ARHGAP24: variants seen among roughly 807,000 people sequenced by gnomAD.
ARHGAP24 encodes Rho GTPase activating protein 24, also known as rho GTPase-activating protein 24.
A neutral mutation model predicts 76.4 loss-of-function variants in ARHGAP24; 50 were observed. The ratio of observed to expected loss-of-function variants is 0.65; its 90% CI spans 0.52 to 0.83. The LOEUF (loss-of-function observed/expected upper bound fraction) is 0.83. Among genes scored for constraint, ARHGAP24 ranks in the 40% least tolerant of loss-of-function variants. The pLI, the probability that ARHGAP24 is intolerant of heterozygous loss-of-function variation, is 0.00. For missense variants in ARHGAP24, 930 were observed against 914.2 expected, an observed-to-expected ratio of 1.02 and a Z score of -0.22; for synonymous variants, 345 against 323.3, an observed-to-expected ratio of 1.07 and a Z score of -0.72.
intron 2 of ARHGAP24, among the ~76,000 whole-genome samples, chr4:85,629,668 A>G (rs1348457308): frequency 6.6e-6 from 1 of 152,130 alleles, no homozygotes; most frequent in Non-Finnish European, 1.5e-5. Context: ...TGAACATATC[A>G]TCCTACTCTT....
In ARHGAP24 at chr4:85,875,734, A is replaced by T. The variant is rs543673608; in HGVS notation, c.269-47914A>T. Among the ~76,000 whole-genome samples, 10 of 139,354 alleles carry T rather than the reference A, an allele frequency of 7.2e-5. No homozygotes were observed. In the East Asian group the frequency reaches 1.6e-3, roughly 22 times the overall value. 91.4% of individuals were successfully genotyped at this position (139,354 alleles called of 152,430 possible). A position where few individuals can be genotyped will look rare whatever the true frequency, so the allele number is the denominator to read the frequency against. ...TTTATATATAAAAATATACATATAT[A>T]TATTTTTGGTTGTGGGGGAGAACAG... On this transcript the variant is annotated intron_variant, in intron 3 of 9. Transcript: ENST00000395184.
intron 2 of ARHGAP24, among the ~76,000 whole-genome samples, chr4:85,706,578 T>TTTTTTTTTTTTG (rs1724317494): frequency 6.6e-6 from 1 of 151,378 alleles, no homozygotes; most frequent in Non-Finnish European, 1.5e-5. Context: ...TTTTCTTTTT[T>TTTTTTTTTTTTG]CTTTTGAGAT....
chr4:85,610,922 A>G lies in ARHGAP24; in HGVS notation c.180+40201A>G, dbSNP rs149250977. On this transcript the variant is annotated intron_variant, in intron 2 of 9. Transcript: ENST00000395184. ...GTGGTTTTCTACAGATATGAAAGAA[A>G]TAAAGAAAAACTGCCTTTTGGTATC... Among the ~76,000 whole-genome samples, 234 of 152,332 alleles carry G rather than the reference A, an allele frequency of 1.5e-3. 1 individual carries two copies. Among genetic ancestry groups the G allele is most frequent in the African/African-American group, 5.3e-3 (221 of 41,580 alleles).
intron 2 of ARHGAP24, among the ~76,000 whole-genome samples, chr4:85,699,842 C>A (rs1465138079): frequency 2.0e-5 from 3 of 152,000 alleles, no homozygotes; most frequent in African/African-American, 7.2e-5. Context: ...TTATTTTGTT[C>A]ACTGATGTAT....
At chr4:85,570,349 CTTCT>C (rs1381881164) in intron 1 of ARHGAP24, among the ~76,000 whole-genome samples, 169 bp from the exon 2 acceptor site, 1 of 140,764 alleles carries the variant, frequency 7.1e-6, no homozygotes, top group African/African-American at 2.8e-5. Context: ...TTTTTTCTTT[CTTCT>C]TTCTTTCTTT....
chr4:85,752,886 C>T (rs775834528), intron 3 of ARHGAP24, among the ~76,000 whole-genome samples: 1 of 152,130 alleles, frequency 6.6e-6, no homozygotes, highest in Non-Finnish European at 1.5e-5. Context: ...TAATCTGGCA[C>T]TAGAGATACT....
intron 3 of ARHGAP24, among the ~76,000 whole-genome samples, chr4:85,885,590 T>C (rs1367275887): frequency 6.6e-6 from 1 of 152,144 alleles, no homozygotes; most frequent in Non-Finnish European, 1.5e-5. Flanking sequence ...GATCATAGAC[T>C]ATATGTCTTA....
intron 3 of ARHGAP24, among the ~76,000 whole-genome samples, chr4:85,748,637 A>G (rs1287957881): frequency 4.6e-5 from 7 of 152,232 alleles, no homozygotes; most frequent in Non-Finnish European, 7.3e-5. Flanking sequence ...CTGATATATG[A>G]TGCAATATAT....
At chr4:85,825,464 C>T (rs533966109) in intron 3 of ARHGAP24, among the ~76,000 whole-genome samples, 3 of 152,234 alleles carry the variant, frequency 2.0e-5, no homozygotes, top group Admixed American at 6.5e-5. Context: ...TCTGCTACAT[C>T]GAAGGTCAAG....
At chr4:85,818,510 T>A (rs544422627) in intron 3 of ARHGAP24, among the ~76,000 whole-genome samples, 3 of 152,334 alleles carry the variant, frequency 2.0e-5, no homozygotes, top group Non-Finnish European at 4.4e-5. Context: ...AATAGGTTCT[T>A]GTCATTCTCT....
At chr4:85,747,347 A>G (rs1394650642) in intron 3 of ARHGAP24, among the ~76,000 whole-genome samples, 1 of 150,638 alleles carries the variant, frequency 6.6e-6, no homozygotes, top group Non-Finnish European at 1.5e-5. Flanking sequence ...TTTATTTAGC[A>G]AAAAAAAGCA....
Position 85,768,064 on chromosome 4 carries a change from G to C in ARHGAP24, c.268+46092G>C, listed in dbSNP as rs1726994388. The stretch of plus-strand genomic sequence containing the variant: ...CACAGTCTCAGAACAAAAATAGACT[G>C]TTTATATGCGGCTGCTGTGTTGACC... On this transcript the variant is annotated intron_variant, in intron 3 of 9. Transcript: ENST00000395184. Among the ~76,000 whole-genome samples the C allele has an allele frequency of 2.6e-5, 4 of 152,222 alleles. No homozygotes were observed. In the South Asian group the frequency reaches 8.3e-4, roughly 32 times the overall value.
intron 2 of ARHGAP24, among the ~76,000 whole-genome samples, chr4:85,642,908 C>T (rs1269317455): frequency 1.3e-5 from 2 of 152,236 alleles, no homozygotes; most frequent in East Asian, 3.9e-4. Context: ...GCCTTCAAGG[C>T]ACTTCACTTT....
chr4:85,577,858 G>A (rs546339388), intron 2 of ARHGAP24, among the ~76,000 whole-genome samples: 1 of 152,252 alleles, frequency 6.6e-6, no homozygotes, highest in South Asian at 2.1e-4. Flanking sequence ...AAAAGGTGTA[G>A]GCCATAGCCC....
rs1373778315 is a variant in ARHGAP24 at position 85,836,219 on chromosome 4, A to G, written c.269-87429A>G. Among the ~76,000 whole-genome samples, 12 of 152,358 alleles carry G rather than the reference A, an allele frequency of 7.9e-5. No homozygotes were observed. The East Asian group carries it at 2.3e-3, about 29-fold the overall frequency. On this transcript the variant is annotated intron_variant, in intron 3 of 9. Coordinates refer to ENST00000395184, the MANE Select transcript of ARHGAP24 (RefSeq NM_001025616.3). ...CACCAAACATTTCTGTGTGTGTCAC[A>G]GAGTAGGAGAATGAAGTGTCAGGGA...
At chr4:85,655,660 T>C (rs909127796) in intron 2 of ARHGAP24, among the ~76,000 whole-genome samples, 8 of 151,348 alleles carry the variant, frequency 5.3e-5, no homozygotes, top group African/African-American at 1.9e-4. Flanking sequence ...ACGTGCCTGC[T>C]ACTCAGAAGG....
At chr4:85,843,847 A>G (rs1402035910) in intron 3 of ARHGAP24, among the ~76,000 whole-genome samples, 3 of 152,158 alleles carry the variant, frequency 2.0e-5, no homozygotes, top group Admixed American at 2.0e-4. Context: ...AGTATATTAT[A>G]AATGTTGACA....
intron 3 of ARHGAP24, among the ~76,000 whole-genome samples, chr4:85,802,529 C>T (rs1180724104): frequency 6.6e-6 from 1 of 152,182 alleles, no homozygotes; most frequent in Admixed American, 6.5e-5. Flanking sequence ...TGGTGGCTCA[C>T]GCCTGTAATC....
intron 3 of ARHGAP24, among the ~76,000 whole-genome samples, chr4:85,899,091 G>T (rs1050408705): frequency 6.6e-6 from 1 of 152,118 alleles, no homozygotes. Context: ...ATCAAGTTTT[G>T]CACTTAAAAA....
Sources: allele counts gnomAD v4.1 joint callset (sites outside exome capture counted in the v4.1 genomes callset), GRCh38; gene constraint gnomAD v4.1.1; transcripts MANE v1.5; gene names NCBI Gene and HGNC (gene_info 2026-07-23, HGNC 2026-07-21).